SLC30A8: variants seen among roughly 807,000 people sequenced by gnomAD.
SLC30A8 encodes solute carrier family 30 member 8.
A neutral mutation model predicts 36.9 loss-of-function variants in SLC30A8; 27 were observed. The ratio of observed to expected loss-of-function variants is 0.73; its 90% CI spans 0.54 to 1.01. The LOEUF (loss-of-function observed/expected upper bound fraction) is 1.01, where lower values mean the gene tolerates loss of function less well. Ranked by LOEUF, SLC30A8 falls within the 50% of genes least tolerant of loss-of-function variation. The pLI is 0.00. For missense variants in SLC30A8, 439 were observed against 452.0 expected (o/e 0.97, Z 0.26); for synonymous variants, 164 against 172.4 (o/e 0.95, Z 0.38).
At chr8:117,111,391 A>C (rs993991447) in intron 2 of SLC30A8, among the ~76,000 whole-genome samples, 4 of 152,066 alleles carry the variant, frequency 2.6e-5, no homozygotes, top group Admixed American at 1.3e-4. Context: ...GACCACTCTT[A>C]TTTGCCTACT....
chr8:117,080,484 C>G (rs1818638439), intron 2 of SLC30A8, among the ~76,000 whole-genome samples: 1 of 152,136 alleles, frequency 6.6e-6, no homozygotes, highest in African/African-American at 2.4e-5. Flanking sequence ...CCTTGCCCCT[C>G]CCTCTCTCCC....
chr8:116,969,984 C>T (rs999814743), intron 1 of SLC30A8, among the ~76,000 whole-genome samples: 1 of 151,974 alleles, frequency 6.6e-6, no homozygotes, highest in African/African-American at 2.4e-5. Flanking sequence ...CTAAATTAAC[C>T]TTAGCTTACT....
At chr8:116,950,429 C>T (rs1226263168), upstream of SLC30A8, 4 of 152,248 alleles carry the variant, frequency 2.6e-5, no homozygotes, top group Non-Finnish European at 5.9e-5. Flanking sequence ...TGCTCACCCT[C>T]ATTAAGGATG....
intron 1 of SLC30A8, among the ~76,000 whole-genome samples, chr8:117,013,420 G>A (rs1235416692): frequency 6.6e-6 from 1 of 152,182 alleles, no homozygotes; most frequent in Non-Finnish European, 1.5e-5. Context: ...CAGCAGAGAT[G>A]TTCAGTGGGA....
intron 2 of SLC30A8, among the ~76,000 whole-genome samples, chr8:117,084,135 C>T (rs1818777748): frequency 6.6e-6 from 1 of 152,080 alleles, no homozygotes; most frequent in Non-Finnish European, 1.5e-5. Flanking sequence ...CAATGAAGTA[C>T]AACAAGGCTC....
intron 1 of SLC30A8, among the ~76,000 whole-genome samples, chr8:117,000,437 A>G (rs1815974506): frequency 6.6e-6 from 1 of 152,166 alleles, no homozygotes; most frequent in Admixed American, 6.5e-5. Flanking sequence ...TAATCCAGAC[A>G]CTATTTTGCA....
At chr8:117,036,109 TC>T (rs113720551) in intron 1 of SLC30A8, among the ~76,000 whole-genome samples, 31,827 of 150,764 alleles carry the variant, frequency 0.21, 3,435 homozygotes, top group African/African-American at 0.26. Flanking sequence ...CAGTTTGAAT[TC>T]CCCCCCCCAG....
chr8:117,023,785 G>T (rs1816786662), intron 1 of SLC30A8, among the ~76,000 whole-genome samples: 1 of 151,846 alleles, frequency 6.6e-6, no homozygotes, highest in Non-Finnish European at 1.5e-5. Flanking sequence ...ACGAGTTACT[G>T]GGTGCAGCAC....
At chr8:117,114,705 G>C (rs2130886098) in intron 2 of SLC30A8, among the ~76,000 whole-genome samples, 1 of 145,960 alleles carries the variant, frequency 6.9e-6, no homozygotes, top group South Asian at 2.2e-4. Context: ...AAAAGTGGGG[G>C]TGTTCAAAAA....
At chr8:116,952,879 AT>A (rs1037540296) in intron 1 of SLC30A8, among the ~76,000 whole-genome samples, 1 of 141,260 alleles carries the variant, frequency 7.1e-6, no homozygotes, top group Non-Finnish European at 1.5e-5. Context: ...TATAATGTCA[AT>A]TTTTATTTTA....
intron 2 of SLC30A8, among the ~76,000 whole-genome samples, chr8:117,073,370 C>G (rs1446369842): frequency 6.6e-6 from 1 of 151,832 alleles, no homozygotes; most frequent in Non-Finnish European, 1.5e-5. Flanking sequence ...TCTCATGCCT[C>G]AGCCTCCTGA....
At chr8:117,073,829 C>T (rs781703297) in intron 2 of SLC30A8, among the ~76,000 whole-genome samples, 13 of 152,108 alleles carry the variant, frequency 8.5e-5, no homozygotes, top group Admixed American at 3.3e-4. Context: ...TGACATGGCT[C>T]TTCTGTGATC....
intron 1 of SLC30A8, among the ~76,000 whole-genome samples, chr8:116,953,119 G>C (rs1431836459): frequency 3.3e-5 from 5 of 152,084 alleles, no homozygotes; most frequent in Non-Finnish European, 7.4e-5. Flanking sequence ...GTGAGAACAT[G>C]TGGTATTTGG....
At chr8:117,065,101 T>G (rs991630441) in intron 2 of SLC30A8, among the ~76,000 whole-genome samples, 2 of 152,216 alleles carry the variant, frequency 1.3e-5, no homozygotes, top group Admixed American at 6.5e-5. Context: ...GCATTTTAAA[T>G]ACTTTAGTGT....
At chr8:117,151,448 A>G (rs2130980909) in intron 2 of SLC30A8, among the ~76,000 whole-genome samples, 1 of 152,352 alleles carries the variant, frequency 6.6e-6, no homozygotes, top group Non-Finnish European at 1.5e-5. Flanking sequence ...TACCTCTTGC[A>G]AGCAGTTTGC....
In SLC30A8 at chr8:116,956,574, TA is replaced by T. The variant is rs1182443196; in HGVS notation, c.-266+5462del. 2.6e-5 allele frequency among the ~76,000 whole-genome samples: 4 copies of T among 152,230 alleles called. No homozygotes were observed. In the East Asian group the frequency reaches 5.8e-4, roughly 22 times the overall value. ...CAATTCATTGGATTTAAAAGCATGT[TA>T]AAAAAACAGTGTATATCTATATAAT... On this transcript the variant is annotated intron_variant, in intron 1 of 10. Coordinates refer to the SLC30A8 transcript ENST00000427715.
Position 117,157,813 on chromosome 8 carries a change from G to A in SLC30A8, c.541G>A (p.Val181Ile), listed in dbSNP as rs1267353057. Residue 181 changes from valine to isoleucine, a missense_variant, in exon 4 of 8, where the codon GTT becomes ATT. Coordinates refer to ENST00000456015, the MANE Select transcript of SLC30A8 (RefSeq NM_173851.3). ...GATCCAGGCGACTGTGATGATCATC[G>A]TTTCCAGCTGCGCAGTGGCGGCCAA... The part of the protein sequence containing the change: ...YQIQATVMII[V>I]SSCAVAANIV... 27 of 1,613,972 alleles carry A rather than the reference G, an allele frequency of 1.7e-5. No individual in the cohort carries two copies. Among genetic ancestry groups the A allele is most frequent in the Non-Finnish European group, 1.7e-5 (20 of 1,180,000 alleles).
At chr8:116,970,799 T>A (rs886841166) in intron 1 of SLC30A8, among the ~76,000 whole-genome samples, 5 of 152,158 alleles carry the variant, frequency 3.3e-5, no homozygotes, top group African/African-American at 1.2e-4. Context: ...TTACTGATTA[T>A]ATTATGAAAA....
chr8:117,093,465 T>G (rs770307879), intron 2 of SLC30A8, among the ~76,000 whole-genome samples: 4 of 151,818 alleles, frequency 2.6e-5, no homozygotes, highest in Non-Finnish European at 5.9e-5. Flanking sequence ...CCCTCAGTGG[T>G]CCTGAGCCCC....
Sources: allele counts gnomAD v4.1 joint callset (sites outside exome capture counted in the v4.1 genomes callset), GRCh38; gene constraint gnomAD v4.1.1; transcripts MANE v1.5; gene names NCBI Gene and HGNC (gene_info 2026-07-23, HGNC 2026-07-21).